Variants in CPPED1 observed in about 807,000 individuals in gnomAD.
CPPED1 encodes calcineurin like phosphoesterase domain containing 1.
CPPED1 carries 28 observed loss-of-function variants against 28.0 expected under a neutral mutation model. The observed-to-expected ratio is 1.00, with a 90% CI of 0.74 to 1.37. The LOEUF is 1.37. CPPED1 is among the 40% of genes most tolerant of loss of function. The pLI, the probability that CPPED1 is intolerant of heterozygous loss-of-function variation, is 0.00. For synonymous variants in CPPED1, 198 were observed against 180.2 expected (o/e 1.10, Z -0.79); for missense variants, 504 against 416.5 (o/e 1.21, Z -1.83).
chr16:12,725,417 A>C (rs550527455), intron 2 of CPPED1, among the ~76,000 whole-genome samples: 60 of 152,270 alleles, frequency 3.9e-4, no homozygotes, highest in African/African-American at 1.4e-3. Flanking sequence ...ACAAGTGTTT[A>C]CTTTGAAGGG....
chr16:12,684,919 G>A (rs1037597522), intron 3 of CPPED1, among the ~76,000 whole-genome samples: 1 of 152,172 alleles, frequency 6.6e-6, no homozygotes, highest in African/African-American at 2.4e-5. Flanking sequence ...TCCTGGAGGA[G>A]AAACCCAAAT....
chr16:12,733,737 A>G (rs2080211462), intron 2 of CPPED1, among the ~76,000 whole-genome samples: 1 of 152,224 alleles, frequency 6.6e-6, no homozygotes, highest in East Asian at 1.9e-4. Context: ...GTTTAGAACA[A>G]TGGAAGTGAA....
intron 2 of CPPED1, among the ~76,000 whole-genome samples, chr16:12,734,753 T>A (rs933643606): frequency 2.0e-5 from 3 of 152,146 alleles, no homozygotes; most frequent in African/African-American, 7.2e-5. Context: ...AGGGTTCCCA[T>A]GGCATCACTC....
At chr16:12,753,698 C>T (rs554021677) in intron 2 of CPPED1, 1 of 152,214 alleles carries the variant, frequency 6.6e-6, no homozygotes, top group Non-Finnish European at 1.5e-5. Context: ...GTCTACCCGC[C>T]CTCCTGCCCC....
At chr16:12,747,832 T>C (rs1338750098) in intron 2 of CPPED1, among the ~76,000 whole-genome samples, 1 of 152,208 alleles carries the variant, frequency 6.6e-6, no homozygotes, top group African/African-American at 2.4e-5. Context: ...GTGCAGTTCA[T>C]TGCATGTTAA....
intron 2 of CPPED1, among the ~76,000 whole-genome samples, chr16:12,724,392 G>C (rs773083144): frequency 2.0e-5 from 3 of 152,140 alleles, no homozygotes; most frequent in African/African-American, 4.8e-5. Flanking sequence ...GCTCACTGCC[G>C]GGGAAACAAT....
At chr16:12,741,502 G>C (rs1334075393) in intron 2 of CPPED1, among the ~76,000 whole-genome samples, 1 of 152,200 alleles carries the variant, frequency 6.6e-6, no homozygotes, top group Admixed American at 6.5e-5. Context: ...CTTTCCCCCA[G>C]TGGGGAAGGA....
chr16:12,691,813 G>T (rs2141178846), intron 3 of CPPED1, among the ~76,000 whole-genome samples: 1 of 94,852 alleles, frequency 1.1e-5, no homozygotes, highest in Non-Finnish European at 1.8e-5. Context: ...GGACTGTTGT[G>T]GGGTGGGGGG....
intron 2 of CPPED1, among the ~76,000 whole-genome samples, chr16:12,721,673 G>A (rs980300573): frequency 2.0e-5 from 3 of 151,534 alleles, no homozygotes; most frequent in Admixed American, 2.0e-4. Context: ...GAATCCACTT[G>A]AACCTGGGAG....
At chr16:12,744,208 G>T (rs113125101) in intron 2 of CPPED1, among the ~76,000 whole-genome samples, 2 of 151,478 alleles carry the variant, frequency 1.3e-5, no homozygotes, top group East Asian at 3.9e-4. Context: ...CCCAGGAGGC[G>T]GAGCTTGCAG....
rs2080677121 is a variant in CPPED1, at chr16:12,803,833, T to C, written c.-57A>G. 1 of 1,506,196 alleles carries C rather than the reference T, an allele frequency of 6.6e-7. No homozygotes were observed. Among genetic ancestry groups the C allele is most frequent in the Non-Finnish European group, 9.0e-7 (1 of 1,110,404 alleles). The allele number at this position is 1,506,196 out of a possible 1,614,324, so 93.3% of individuals were successfully genotyped here. A position where few individuals can be genotyped will look rare whatever the true frequency, so the allele number is the denominator to read the frequency against. On this transcript the variant is annotated 5_prime_UTR_variant, in exon 1 of 4. Transcript: ENST00000381774. ...ACTGCGTGGGTGGAAGCCGCGCGACTTCACACAGAACAACCGCTGGACCTG... is the reference window on the plus strand; with the variant it reads ...ACTGCGTGGGTGGAAGCCGCGCGACCTCACACAGAACAACCGCTGGACCTG...
At chr16:12,710,105 A>T (rs946036279) in intron 2 of CPPED1, among the ~76,000 whole-genome samples, 6 of 152,240 alleles carry the variant, frequency 3.9e-5, no homozygotes, top group Non-Finnish European at 8.8e-5. Context: ...ATCCCAAATA[A>T]TCTACAAAAA....
chr16:12,769,815 CT>C (rs2080459766), intron 2 of CPPED1, among the ~76,000 whole-genome samples: 1 of 152,202 alleles, frequency 6.6e-6, no homozygotes, highest in Admixed American at 6.6e-5. Flanking sequence ...TATGGCATCA[CT>C]CTCTTGCACG....
rs1236102087 is a variant in CPPED1, at chr16:12,704,616, G to T, written c.715+8C>A. ...TCCTCCCTGAAACCCGTGGCCCGGG[G>T]CCTCTACCTGCGTGGATGAACTTGT... On this transcript the variant is annotated splice_region_variant and intron_variant, in intron 3 of 3. Transcript: ENST00000381774. 1 of 1,601,222 alleles carries T rather than the reference G, an allele frequency of 6.2e-7. No homozygotes were observed. Among genetic ancestry groups the T allele is most frequent in the East Asian group, 2.2e-5 (1 of 44,716 alleles).
chr16:12,770,739 T>C (rs35666531), intron 2 of CPPED1, among the ~76,000 whole-genome samples: 31,855 of 151,772 alleles, frequency 0.21, 4,077 homozygotes, highest in East Asian at 0.3. Context: ...GGAGAATCGC[T>C]TGAACCCGGG....
intron 2 of CPPED1, among the ~76,000 whole-genome samples, chr16:12,718,976 G>A (rs940091294): frequency 5.3e-5 from 8 of 151,898 alleles, no homozygotes; most frequent in Middle Eastern, 3.2e-3. Flanking sequence ...AAAGTTTCAC[G>A]GGCTAATAGT....
chr16:12,664,992 A>C lies in CPPED1; in HGVS notation c.839T>G (p.Val280Gly). ...QLGRDPHGLR[V>G]VVVTAEKIVH... The stretch of plus-strand genomic sequence containing the variant: ...AATTTTCTCGGCGGTGACCACCACG[A>C]CTCGGAGCCCGTGGGGGTCTCTGCC... The change falls in exon 4 of 4, where the codon GTC becomes GGC. Residue 280 changes from valine (V) to glycine (G), a missense_variant. Physicochemically the swap from Val to Gly is moderately radical, Grantham distance 109. Transcript: ENST00000381774. This position sits in a 1 kb window ranked among gnomAD's most constrained non-coding sequence, Gnocchi z 4.2. 1 of 1,611,026 alleles carries C rather than the reference A, an allele frequency of 6.2e-7. No individual in the cohort carries two copies. The highest frequency in any genetic ancestry group is 8.5e-7 in the Non-Finnish European group (1 of 1,178,930).
chr16:12,667,307 A>C (rs2079830940), intron 3 of CPPED1, among the ~76,000 whole-genome samples: 1 of 152,224 alleles, frequency 6.6e-6, no homozygotes, highest in Admixed American at 6.5e-5. Context: ...AATGTGTTTA[A>C]GATATCAAAG....
At chr16:12,765,618 G>A (rs1460426434) in intron 2 of CPPED1, among the ~76,000 whole-genome samples, 1 of 152,030 alleles carries the variant, frequency 6.6e-6, no homozygotes. Flanking sequence ...TGATGACAGT[G>A]GTATTTCACT....
Sources: gnomAD v4.1 joint callset for allele counts (sites outside exome capture counted in the v4.1 genomes callset) on GRCh38, gnomAD v4.1.1 for gene constraint, Gnocchi (gnomAD v3.1) non-coding constraint, MANE v1.5 for transcripts, NCBI Gene and HGNC (gene_info 2026-07-23, HGNC 2026-07-21) for gene names.